Variants in ATP6V1H observed in about 807,000 individuals in gnomAD.
ATP6V1H encodes the protein ATPase H+ transporting V1 subunit H.
In ATP6V1H, 39 loss-of-function variants were observed where a neutral mutation model predicts 71.7. The ratio of observed to expected loss-of-function variants is 0.54; its 90% CI spans 0.42 to 0.71. The LOEUF is 0.71. ATP6V1H is among the 30% of genes least tolerant of loss of function. The pLI is 0.00. For synonymous variants in ATP6V1H, 192 were observed against 199.3 expected (o/e 0.96, Z 0.31); for missense variants, 509 against 594.9 (o/e 0.86, Z 1.50).
At chr8:53,775,671 A>G (rs939234259) in intron 9 of ATP6V1H, among the ~76,000 whole-genome samples, 1 of 152,138 alleles carries the variant, frequency 6.6e-6, no homozygotes, top group Non-Finnish European at 1.5e-5. Flanking sequence ...AGCTAGACAT[A>G]AATGTTCTCC....
chr8:53,781,419 T>A (rs1360476670), intron 9 of ATP6V1H, among the ~76,000 whole-genome samples: 1 of 152,236 alleles, frequency 6.6e-6, no homozygotes, highest in Non-Finnish European at 1.5e-5. Context: ...TTGTTTGAGT[T>A]CATTGTAGAT....
rs548491544 is a variant in ATP6V1H, at chr8:53,795,492, T to C, written c.870+155A>G. On this transcript the variant is annotated intron_variant, in intron 9 of 13. Coordinates refer to ENST00000359530, the MANE Select transcript of ATP6V1H (RefSeq NM_015941.4). Reference sequence around the variant, plus strand: ...CCTATCCCACTGCCCACACCATAAATACAAATTAGTGATATTTTACTCTAT... The same window carrying C: ...CCTATCCCACTGCCCACACCATAAACACAAATTAGTGATATTTTACTCTAT... Among the ~76,000 whole-genome samples the C allele has an allele frequency of 4.6e-5, 7 of 152,264 alleles. No individual in the cohort carries two copies. The South Asian group carries it at 8.3e-4, about 18-fold the overall frequency.
rs547687186 is a variant in ATP6V1H at position 53,798,623 on chromosome 8, A to C, written c.678-2784T>G. Among the ~76,000 whole-genome samples the C allele has an allele frequency of 9.9e-5, 15 of 151,878 alleles. No individual in the cohort carries two copies. The South Asian group carries it at 3.1e-3, about 32-fold the overall frequency. ...TGCAATGTGAGAAACACACACACACACACACACACACACACACAAATTCAA... is the reference window on the plus strand; with the variant it reads ...TGCAATGTGAGAAACACACACACACCCACACACACACACACACAAATTCAA... On this transcript the variant is annotated intron_variant, in intron 8 of 13. Transcript: ENST00000359530.
Position 53,740,569 on chromosome 8 carries a change from A to G in ATP6V1H, c.1391+3008T>C, listed in dbSNP as rs974261464. 3.3e-5 allele frequency among the ~76,000 whole-genome samples: 5 copies of G among 152,340 alleles called. 2 individuals carry two copies. The East Asian group carries it at 9.6e-4, about 29-fold the overall frequency. On this transcript the variant is annotated intron_variant, in intron 13 of 13. Coordinates refer to ENST00000359530, the MANE Select transcript of ATP6V1H (RefSeq NM_015941.4). The stretch of plus-strand genomic sequence containing the variant: ...ATTTAAATCGAGCCAATGCTAAAAG[A>G]AAAACTCCACTGTATTTTCAAGTTT...
chr8:53,726,157 A>G (rs572813392), intron 13 of ATP6V1H, among the ~76,000 whole-genome samples: 1 of 152,338 alleles, frequency 6.6e-6, no homozygotes, highest in South Asian at 2.1e-4. Flanking sequence ...AACACTTTCA[A>G]CAACAGTAAA....
chr8:53,818,266 T>G (rs1436193068), intron 4 of ATP6V1H, among the ~76,000 whole-genome samples: 5 of 151,506 alleles, frequency 3.3e-5, no homozygotes, highest in Admixed American at 6.6e-5. Context: ...TTTTATTAAT[T>G]TATTTATTTA....
At chr8:53,805,537 T>C (rs958091378) in intron 7 of ATP6V1H, among the ~76,000 whole-genome samples, 11 of 152,134 alleles carry the variant, frequency 7.2e-5, no homozygotes, top group African/African-American at 2.7e-4. Context: ...AGTAAAGAAC[T>C]GAAACAAATG....
intron 12 of ATP6V1H, among the ~76,000 whole-genome samples, chr8:53,749,578 G>A (rs773711137): frequency 6.6e-6 from 1 of 152,044 alleles, no homozygotes; most frequent in Non-Finnish European, 1.5e-5. Context: ...TAGCTACATC[G>A]GCTTATAACT....
At chr8:53,741,975 C>T (rs1278575439) in intron 13 of ATP6V1H, among the ~76,000 whole-genome samples, 1 of 152,206 alleles carries the variant, frequency 6.6e-6, no homozygotes, top group Admixed American at 6.5e-5. Flanking sequence ...CCTTGCACAA[C>T]CCGTTCTCCA....
intron 13 of ATP6V1H, among the ~76,000 whole-genome samples, chr8:53,729,886 G>A (rs996683098): frequency 1.1e-4 from 16 of 152,184 alleles, no homozygotes; most frequent in African/African-American, 3.9e-4. Flanking sequence ...AGCAGGTAAA[G>A]GAGAGACAAC....
chr8:53,820,623 C>T (rs1036268873), intron 4 of ATP6V1H, among the ~76,000 whole-genome samples: 2 of 149,552 alleles, frequency 1.3e-5, no homozygotes, highest in Non-Finnish European at 3.0e-5. Flanking sequence ...GCTATAATGG[C>T]GCCATTGCAT....
chr8:53,813,866 T>C (rs575793712), intron 6 of ATP6V1H, among the ~76,000 whole-genome samples: 79 of 152,260 alleles, frequency 5.2e-4, no homozygotes, highest in Non-Finnish European at 9.0e-4. Context: ...ACCCTGAAAC[T>C]GTGAAATTGT....
chr8:53,833,314 C>T (rs937052879), intron 2 of ATP6V1H: 11 of 478,112 alleles, frequency 2.3e-5, no homozygotes, highest in African/African-American at 1.6e-4. Context: ...GAACAATAAT[C>T]GCATTGCCTC....
At chr8:53,801,105 T>C (rs995789690) in intron 8 of ATP6V1H, among the ~76,000 whole-genome samples, 3 of 152,184 alleles carry the variant, frequency 2.0e-5, no homozygotes, top group African/African-American at 4.8e-5. Context: ...CCTAGAATAT[T>C]TGGGTCCCTT....
At chr8:53,745,773 C>A (rs933066228) in intron 12 of ATP6V1H, among the ~76,000 whole-genome samples, 1 of 152,054 alleles carries the variant, frequency 6.6e-6, no homozygotes, top group Non-Finnish European at 1.5e-5. Flanking sequence ...ACGTAAAGGA[C>A]GCTTGTTTCT....
At chr8:53,818,222 A>G (rs953339147) in intron 4 of ATP6V1H, among the ~76,000 whole-genome samples, 16 of 152,204 alleles carry the variant, frequency 1.1e-4, no homozygotes, top group African/African-American at 2.7e-4. Flanking sequence ...CTACACCACC[A>G]TATCAGCAGT....
intron 9 of ATP6V1H, among the ~76,000 whole-genome samples, chr8:53,789,311 T>C (rs1809489908): frequency 6.6e-6 from 1 of 152,124 alleles, no homozygotes; most frequent in Non-Finnish European, 1.5e-5. Flanking sequence ...GAAGCTTGGA[T>C]AGAATATCAT....
intron 9 of ATP6V1H, among the ~76,000 whole-genome samples, chr8:53,791,456 C>T (rs1809562589): frequency 6.6e-6 from 1 of 152,174 alleles, no homozygotes. Context: ...AAGTAAACAG[C>T]CACAAATCCC....
At position 53,801,778 on chromosome 8, in the gene ATP6V1H, T is replaced by C. The variant is rs778253915; in HGVS notation, c.677+21A>G. On this transcript the variant is annotated intron_variant, in intron 8 of 13. Transcript: ENST00000359530. ...AGATGCTTGTAAATGTTATTTTACA[T>C]TAAAAGGAAAGGGCACTCACCAATT... The C allele has an allele frequency of 8.8e-6, 14 of 1,586,912 alleles. No individual in the cohort carries two copies. The East Asian group carries it at 2.9e-4, about 33-fold the overall frequency.
Sources: allele counts gnomAD v4.1 joint callset (sites outside exome capture counted in the v4.1 genomes callset), GRCh38; gene constraint gnomAD v4.1.1; transcripts MANE v1.5; gene names NCBI Gene and HGNC (gene_info 2026-07-23, HGNC 2026-07-21).